Variants in PRRC2C observed in about 807,000 individuals in gnomAD.
PRRC2C encodes proline rich coiled-coil 2C.
Under a neutral mutation model 317.2 loss-of-function variants are expected in PRRC2C, and 72 were observed. The ratio of observed to expected loss-of-function variants is 0.23; its 90% CI spans 0.19 to 0.28. The LOEUF (loss-of-function observed/expected upper bound fraction) is 0.28. PRRC2C is among the 10% of genes least tolerant of loss of function. The pLI, the probability that PRRC2C is intolerant of heterozygous loss-of-function variation, is 1.00. For synonymous variants in PRRC2C, 1,296 were observed against 1,205.9 expected, an observed-to-expected ratio of 1.07 and a Z score of -1.55; for missense variants, 3,074 against 3,459.7, an observed-to-expected ratio of 0.89 and a Z score of 2.80.
intron 16 of PRRC2C, among the ~76,000 whole-genome samples, chr1:171,544,111 C>CT (rs1014313880): frequency 1.9e-3 from 286 of 146,686 alleles, no homozygotes; most frequent in Middle Eastern, 3.5e-3. Flanking sequence ...AACACATGAA[C>CT]TTTTTTTTTT....
At chr1:171,591,245 A>G (rs1480498631) in intron 34 of PRRC2C, 1 of 994,510 alleles carries the variant, frequency 1.0e-6, no homozygotes, top group Non-Finnish European at 1.2e-6. Context: ...ATTTTATTGT[A>G]GACCACATAT....
intron 17 of PRRC2C, 85 bp from the exon 18 acceptor site, chr1:171,550,001 T>G: frequency 8.7e-7 from 1 of 1,146,508 alleles, no homozygotes; most frequent in Non-Finnish European, 1.2e-6. Flanking sequence ...TTTTTTTTTT[T>G]TTTTAAGTAC....
At chr1:171,527,567 GC>G (rs1374414329) in intron 10 of PRRC2C, among the ~76,000 whole-genome samples, 1 of 147,934 alleles carries the variant, frequency 6.8e-6, no homozygotes, top group Non-Finnish European at 1.5e-5. Context: ...GAACAGCCTG[GC>G]CAACATGGCA....
intron 12 of PRRC2C, among the ~76,000 whole-genome samples, chr1:171,535,166 A>G (rs2102447605): frequency 6.6e-6 from 1 of 152,324 alleles, no homozygotes; most frequent in South Asian, 2.1e-4. Context: ...TTTAAAAAAA[A>G]AAAACATAGA....
chr1:171,536,151 T>A lies in PRRC2C; in HGVS notation c.2166T>A (p.Pro722=). ...CACCACACAGACCTCTTTATCAGCCTATGCAGCCTCATCCTCAGCATTTGG... is the reference window on the plus strand; with the variant it reads ...CACCACACAGACCTCTTTATCAGCCAATGCAGCCTCATCCTCAGCATTTGG... ...PPPPHRPLYQ[P]MQPHPQHLAS... The change falls in exon 14 of 35, where the codon CCT becomes CCA. Residue 722 remains proline (P), a synonymous_variant. Coordinates refer to ENST00000647382, the MANE Select transcript of PRRC2C (RefSeq NM_001387844.1). 1 of 1,604,812 alleles carries A rather than the reference T, an allele frequency of 6.2e-7. No homozygotes were observed.
rs1343548144 is a variant in PRRC2C at position 171,492,670 on chromosome 1, C to G, written c.-58+6935C>G. 1.3e-5 allele frequency among the ~76,000 whole-genome samples: 2 copies of G among 152,092 alleles called. 1 individual carries two copies. The highest frequency in any genetic ancestry group is 2.9e-5 in the Non-Finnish European group (2 of 68,024). ...TCAGTAGTGGGATAGCCATTGCACT[C>G]CGGCCTGGACAACATTAAGGTGACC... On this transcript the variant is annotated intron_variant, in intron 1 of 34. Coordinates refer to ENST00000647382, the MANE Select transcript of PRRC2C (RefSeq NM_001387844.1).
chr1:171,521,795 A>C (rs149194774), intron 6 of PRRC2C, among the ~76,000 whole-genome samples: 1 of 152,322 alleles, frequency 6.6e-6, no homozygotes, highest in African/African-American at 2.4e-5. Flanking sequence ...TATCCTGTTG[A>C]TACAATTACT....
chr1:171,566,625 C>A lies in PRRC2C; in HGVS notation c.6340C>A (p.His2114Asn). 1 of 1,598,628 alleles carries A rather than the reference C, an allele frequency of 6.3e-7. No individual in the cohort carries two copies. The highest frequency in any genetic ancestry group is 1.3e-5 in the African/African-American group (1 of 74,474). ...TTTGAGTCCAGTAGAAAACAAAGAACACAAACCTGGTCCCATTGGAAAGGA... is the reference window on the plus strand; with the variant it reads ...TTTGAGTCCAGTAGAAAACAAAGAAAACAAACCTGGTCCCATTGGAAAGGA... ...PDLSPVENKE[H>N]KPGPIGKERS... Residue 2114 changes from histidine (H) to asparagine (N), a missense_variant, in exon 22 of 35, where the codon CAC becomes AAC. His to Asn is a moderately conservative substitution (Grantham distance 68). This residue lies in a region of PRRC2C where 640 missense variants were observed against 676.1 expected (regional missense o/e 0.95). Transcript: ENST00000647382.
At chr1:171,523,610 ATTGT>A (rs1295534949) in intron 9 of PRRC2C, 88 bp downstream of exon 9, 2 of 1,097,108 alleles carry the variant, frequency 1.8e-6, no homozygotes, top group South Asian at 1.4e-5. Flanking sequence ...TTAATAGACA[ATTGT>A]TTGTTATTTG....
intron 1 of PRRC2C, chr1:171,511,336 A>G (rs980840969): frequency 2.6e-5 from 4 of 152,348 alleles, no homozygotes; most frequent in East Asian, 3.9e-4. Flanking sequence ...AGATGAGGGT[A>G]CATTAGCTCT....
chr1:171,505,016 A>G (rs1669910007), intron 1 of PRRC2C, among the ~76,000 whole-genome samples: 1 of 150,362 alleles, frequency 6.7e-6, no homozygotes, highest in Non-Finnish European at 1.5e-5. Flanking sequence ...ATGTATCCCT[A>G]AGTATTTCAA....
rs778941374 is a variant in PRRC2C at position 171,535,589 on chromosome 1, C to A, written c.2035C>A (p.Arg679=). 2.5e-6 allele frequency: 4 copies of A among 1,613,244 alleles called. No individual in the cohort carries two copies. Among genetic ancestry groups the A allele is most frequent in the Non-Finnish European group, 3.4e-6 (4 of 1,179,698 alleles). ...FQKSLPPRFQ[R]QQEQMKQQQW... ...GAAGTCTTTACCTCCACGATTCCAG[C>A]GGCAGCAGGTAATGATAAAAATATT... Residue 679 remains arginine, a synonymous_variant, in exon 13 of 35, where the codon CGG becomes AGG. Coordinates refer to ENST00000647382, the MANE Select transcript of PRRC2C (RefSeq NM_001387844.1).
intron 20 of PRRC2C, among the ~76,000 whole-genome samples, chr1:171,565,802 A>G (rs1339669221): frequency 1.3e-5 from 2 of 152,192 alleles, no homozygotes; most frequent in African/African-American, 4.8e-5. Flanking sequence ...TATGTTACCA[A>G]TCACAAAGTT....
rs370033641 is a variant in PRRC2C at position 171,541,056 on chromosome 1, C to T, written c.3590C>T (p.Ser1197Phe). The change falls in exon 16 of 35, where the codon TCC (serine) becomes TTC (phenylalanine). Residue 1197 changes from serine (S) to phenylalanine (F), a missense_variant. This residue lies in a region of PRRC2C where 1,320 missense variants were observed against 1,395.7 expected (regional missense o/e 0.95). Coordinates refer to ENST00000647382, the MANE Select transcript of PRRC2C (RefSeq NM_001387844.1). The surrounding 1 kb of genome is among the most constrained non-coding windows in gnomAD (Gnocchi z 4.1). ...GGTCGAGGCCGAGGTGAATATTACT[C>T]CAGAGGTCGAAGCTATAGAGGTTCT... Reference protein sequence around the residue: ...YRGRGRGEYYSRGRSYRGSYG... With the variant: ...YRGRGRGEYYFRGRSYRGSYG... 1.2e-6 allele frequency: 2 copies of T among 1,612,882 alleles called. No homozygotes were observed. Among genetic ancestry groups the T allele is most frequent in the Admixed American group, 1.7e-5 (1 of 59,786 alleles).
chr1:171,529,201 G>C (rs2102401948), intron 11 of PRRC2C, among the ~76,000 whole-genome samples: 1 of 152,192 alleles, frequency 6.6e-6, no homozygotes, highest in South Asian at 2.1e-4. Flanking sequence ...GGAGCACTCA[G>C]CCTTTTTCTC....
At position 171,532,335 on chromosome 1, in the gene PRRC2C, T is replaced by C. The variant is rs1250560590; in HGVS notation, c.1255-8T>C. 3 of 1,604,276 alleles carry C rather than the reference T, an allele frequency of 1.9e-6. No individual in the cohort carries two copies. Among genetic ancestry groups the C allele is most frequent in the East Asian group, 2.2e-5 (1 of 44,834 alleles). On this transcript the variant is annotated splice_region_variant and splice_polypyrimidine_tract_variant and intron_variant, in intron 11 of 34. Coordinates refer to ENST00000647382, the MANE Select transcript of PRRC2C (RefSeq NM_001387844.1). ...TGTCATAACTCATCTGATACCTTAA[T>C]GTTTCAGCATCCACCTCCAGATCGA...
At chr1:171,566,201 T>C (rs1352395334) in intron 20 of PRRC2C, 32 bp from the exon 21 acceptor site, 2 of 1,559,864 alleles carry the variant, frequency 1.3e-6, no homozygotes, top group South Asian at 1.2e-5. Context: ...AACTATACTT[T>C]GCAAGCAAGT....
intron 6 of PRRC2C, among the ~76,000 whole-genome samples, chr1:171,518,208 A>G (rs767403834): frequency 9.2e-5 from 14 of 152,254 alleles, no homozygotes; most frequent in Non-Finnish European, 1.6e-4. Context: ...TAATGATCTA[A>G]TAAAGAAGCA....
intron 1 of PRRC2C, among the ~76,000 whole-genome samples, chr1:171,508,945 G>A (rs1038315185): frequency 2.0e-5 from 3 of 151,496 alleles, no homozygotes; most frequent in Non-Finnish European, 4.4e-5. Flanking sequence ...GGAGTGCAGT[G>A]GCATGATCTC....
Sources: allele counts gnomAD v4.1 joint callset (sites outside exome capture counted in the v4.1 genomes callset), GRCh38; gene constraint gnomAD v4.1.1; regional missense constraint gnomAD v4.1.1; non-coding constraint Gnocchi (gnomAD v3.1); transcripts MANE v1.5; gene names NCBI Gene and HGNC (gene_info 2026-07-23, HGNC 2026-07-21).